The following ANAPC4 variants were observed in gnomAD, a reference collection of about 807,000 sequenced individuals.
ANAPC4 encodes the protein anaphase-promoting complex subunit 4.
ANAPC4 carries 63 observed loss-of-function variants against 119.8 expected under a neutral mutation model. The ratio of observed to expected loss-of-function variants is 0.53; its 90% CI spans 0.43 to 0.65. The LOEUF (loss-of-function observed/expected upper bound fraction) is 0.65. ANAPC4 is among the 30% of genes least tolerant of loss of function. The pLI is 0.00. For missense variants in ANAPC4, 716 were observed against 945.1 expected, an observed-to-expected ratio of 0.76 and a Z score of 3.18; for synonymous variants, 283 against 318.6, an observed-to-expected ratio of 0.89 and a Z score of 1.19.
intron 3 of ANAPC4, among the ~76,000 whole-genome samples, chr4:25,382,577 A>T (rs1721800485): frequency 6.6e-6 from 1 of 150,940 alleles, no homozygotes; most frequent in South Asian, 2.1e-4. Context: ...TTTGGACAGT[A>T]AAATGTGTTT....
At chr4:25,383,470 G>A (rs1721860582) in intron 4 of ANAPC4, 77 bp downstream of exon 4, 1 of 1,365,884 alleles carries the variant, frequency 7.3e-7, no homozygotes, top group African/African-American at 1.5e-5. Flanking sequence ...AGGAGTATCT[G>A]AGTATTGGGT....
chr4:25,412,414 T>C (rs1275068050), intron 21 of ANAPC4, among the ~76,000 whole-genome samples: 1 of 152,074 alleles, frequency 6.6e-6, no homozygotes, highest in African/African-American at 2.4e-5. Flanking sequence ...GTTTCCAAAC[T>C]TCTAATCAAG....
chr4:25,416,281 C>A, intron 26 of ANAPC4, 144 bp from the exon 27 acceptor site: 1 of 468,456 alleles, frequency 2.1e-6, no homozygotes, highest in Non-Finnish European at 3.6e-6. Context: ...TTAATACAAA[C>A]CAATGATATA....
intron 17 of ANAPC4, among the ~76,000 whole-genome samples, chr4:25,403,285 C>G (rs1723077264): frequency 6.6e-6 from 1 of 151,826 alleles, no homozygotes; most frequent in Non-Finnish European, 1.5e-5. Flanking sequence ...TTTTGGAGTA[C>G]TCATGATAAT....
At chr4:25,395,458 T>G (rs994790528) in intron 14 of ANAPC4, 2 of 152,356 alleles carry the variant, frequency 1.3e-5, no homozygotes, top group African/African-American at 2.4e-5. Flanking sequence ...TGTTTGATTT[T>G]TGGTTTTTTG....
At chr4:25,396,530 G>T in intron 14 of ANAPC4, 134 bp from the exon 15 acceptor site, 1 of 694,824 alleles carries the variant, frequency 1.4e-6, no homozygotes, top group South Asian at 2.1e-5. Flanking sequence ...ACAGTTTTGA[G>T]AAATAATTAT....
At chr4:25,398,653 AT>A (rs1158734907) in intron 16 of ANAPC4, among the ~76,000 whole-genome samples, 2 of 152,158 alleles carry the variant, frequency 1.3e-5, no homozygotes, top group African/African-American at 2.4e-5. Flanking sequence ...AGAGGATATG[AT>A]TTAGGCTTCA....
chr4:25,413,894 G>C, intron 22 of ANAPC4, 152 bp downstream of exon 22: 1 of 626,876 alleles, frequency 1.6e-6, no homozygotes, highest in Non-Finnish European at 2.7e-6. Context: ...ATTTCATATG[G>C]TTCAACCTAA....
At position 25,405,538 on chromosome 4, in the gene ANAPC4, CT is replaced by C. The variant is rs762222576; in HGVS notation, c.1271-31del. 8.2e-6 allele frequency: 13 copies of C among 1,588,472 alleles called. No individual in the cohort carries two copies. The African/African-American group carries it at 1.6e-4, about 20-fold the overall frequency. The stretch of plus-strand genomic sequence containing the variant: ...TAATTAAAATTATGTTTGTAGTTTG[CT>C]TTTAAAGATAGTTTTTTAACTTTGT... On this transcript the variant is annotated intron_variant, in intron 17 of 28. Transcript: ENST00000315368. The surrounding 1 kb of genome is among the most constrained non-coding windows in gnomAD (Gnocchi z 4.6).
chr4:25,414,232 C>T (rs2109146017), intron 22 of ANAPC4, 92 bp from the exon 23 acceptor site: 2 of 883,024 alleles, frequency 2.3e-6, no homozygotes, highest in South Asian at 2.3e-5. Context: ...ATTTTTTTAC[C>T]ACATTCGAAC....
At chr4:25,378,082 A>G (rs921587447) in intron 2 of ANAPC4, among the ~76,000 whole-genome samples, 5 of 152,202 alleles carry the variant, frequency 3.3e-5, no homozygotes, top group African/African-American at 1.2e-4. Flanking sequence ...GGGTTGGATA[A>G]CCACCCTCCA....
chr4:25,396,625 T>G, intron 14 of ANAPC4, 39 bp from the exon 15 acceptor site: 2 of 1,428,134 alleles, frequency 1.4e-6, no homozygotes, highest in Non-Finnish European at 1.9e-6. Context: ...CACTTGATGA[T>G]CGTCATGATA....
chr4:25,383,432 A>G lies in ANAPC4; in HGVS notation c.368+39A>G, dbSNP rs576001123. ...CTTATGTAGTCATAGGGTATTCATGAGATTTTTATTTTTTGAAATGGAAAC... is the reference window on the plus strand; with the variant it reads ...CTTATGTAGTCATAGGGTATTCATGGGATTTTTATTTTTTGAAATGGAAAC... On this transcript the variant is annotated intron_variant, in intron 4 of 28. Transcript: ENST00000315368. 4 of 1,495,804 alleles carry G rather than the reference A, an allele frequency of 2.7e-6. No individual in the cohort carries two copies. In the African/African-American group the frequency reaches 4.2e-5, roughly 16 times the overall value. 92.7% of individuals were successfully genotyped at this position (1,495,804 alleles called of 1,614,324 possible).
Position 25,409,793 on chromosome 4 carries a change from T to A in ANAPC4, c.1525+2T>A. Reference sequence around the variant, plus strand: ...TTCAAAATAGCAGCCACCTTAAAGGTACTTCATGAACCAACCAGATTTTGG... The same window carrying A: ...TTCAAAATAGCAGCCACCTTAAAGGAACTTCATGAACCAACCAGATTTTGG... On this transcript the variant is annotated splice_donor_variant, in intron 21 of 28. Transcript: ENST00000315368. LOFTEE classifies it high-confidence loss of function. 6 of 1,611,606 alleles carry A rather than the reference T, an allele frequency of 3.7e-6. No individual in the cohort carries two copies. Among genetic ancestry groups the A allele is most frequent in the Non-Finnish European group, 5.1e-6 (6 of 1,178,118 alleles).
chr4:25,414,637 T>G lies in ANAPC4; in HGVS notation c.1763T>G (p.Phe588Cys). The G allele has an allele frequency of 4.5e-6, 7 of 1,551,216 alleles. No homozygotes were observed. The highest frequency in any genetic ancestry group is 6.1e-6 in the Non-Finnish European group (7 of 1,141,652). The change falls in exon 25 of 29, where the codon TTT becomes TGT. Residue 588 changes from phenylalanine to cysteine, a missense_variant. Phe to Cys is a radical substitution (Grantham distance 205). Around this residue, in one of 3 missense-constraint regions of ANAPC4, gnomAD observed 504 missense variants for 615.8 expected, o/e 0.82. Transcript: ENST00000315368. ...NKTSNLHYLL[F>C]TILEDSLYKM... is the part of the protein sequence containing the mutation. ...ACTTCAAATCTACATTATCTTCTTT[T>G]TACTATTCTAGAAGATTCACTTTAT...
At chr4:25,395,344 C>G (rs568979773) in intron 14 of ANAPC4, 1 of 152,966 alleles carries the variant, frequency 6.5e-6, no homozygotes, top group African/African-American at 2.4e-5. Flanking sequence ...TACTAAGTGT[C>G]GGAGCCAAGA....
chr4:25,381,365 C>T (rs533965281), intron 3 of ANAPC4, among the ~76,000 whole-genome samples: 78 of 152,236 alleles, frequency 5.1e-4, no homozygotes, highest in African/African-American at 1.8e-3. Flanking sequence ...GCAATCTCGG[C>T]TCACTGCAAC....
At chr4:25,415,295 T>C in intron 25 of ANAPC4, 171 bp from the exon 26 acceptor site, 1 of 479,342 alleles carries the variant, frequency 2.1e-6, no homozygotes, top group South Asian at 4.8e-5. Context: ...CTTTGGTGAC[T>C]GTGTGATTTT....
In ANAPC4 at chr4:25,414,604, A is replaced by G; in HGVS notation, c.1730A>G (p.Asn577Ser). ...RRLFKFPFLWNNKTSNLHYLL... is the reference protein window; with the variant it reads ...RRLFKFPFLWSNKTSNLHYLL... ...ATGACAATTTTTTTTCTTAGGTGGA[A>G]TAATAAAACTTCAAATCTACATTAT... is the stretch of plus-strand genomic sequence containing the variant. Residue 577 changes from asparagine to serine, a missense_variant, in exon 25 of 29, where the codon AAT (asparagine) becomes AGT (serine). Coordinates refer to ENST00000315368, the MANE Select transcript of ANAPC4 (RefSeq NM_013367.3). 2 of 1,552,658 alleles carry G rather than the reference A, an allele frequency of 1.3e-6. No homozygotes were observed. Among genetic ancestry groups the G allele is most frequent in the Non-Finnish European group, 1.7e-6 (2 of 1,147,240 alleles).
Sources: gnomAD v4.1 joint callset for allele counts (sites outside exome capture counted in the v4.1 genomes callset) on GRCh38, gnomAD v4.1.1 for gene constraint, gnomAD v4.1.1 regional missense constraint, Gnocchi (gnomAD v3.1) non-coding constraint, MANE v1.5 for transcripts, NCBI Gene and HGNC (gene_info 2026-07-23, HGNC 2026-07-21) for gene names.